CCDC18: variants seen among roughly 807,000 people sequenced by gnomAD.
The protein encoded by CCDC18 is coiled-coil domain containing 18, also known as coiled-coil domain-containing protein 18.
CCDC18 carries 157 observed loss-of-function variants against 196.0 expected under a neutral mutation model. The ratio of observed to expected loss-of-function variants is 0.80; its 90% CI spans 0.70 to 0.91. The LOEUF is 0.91. Among genes scored for constraint, CCDC18 ranks in the 40% least tolerant of loss-of-function variants. The pLI is 0.00. For synonymous variants in CCDC18, 482 were observed against 529.2 expected, an observed-to-expected ratio of 0.91 and a Z score of 1.22; for missense variants, 1,465 against 1,611.6, an observed-to-expected ratio of 0.91 and a Z score of 1.56.
chr1:93,212,073 A>G (rs1655739090), intron 10 of CCDC18, 28 bp from the exon 11 acceptor site: 3 of 1,569,192 alleles, frequency 1.9e-6, no homozygotes, highest in Admixed American at 4.0e-5. Context: ...CTTTCTAATA[A>G]TTTTTCCCTT....
intron 25 of CCDC18, among the ~76,000 whole-genome samples, chr1:93,256,941 C>T (rs1489820830): frequency 1.3e-5 from 2 of 151,910 alleles, no homozygotes; most frequent in African/African-American, 4.8e-5. Context: ...AAAATGAAAA[C>T]TATTGGCTTG....
At chr1:93,195,112 C>G (rs1038022853) in intron 6 of CCDC18, among the ~76,000 whole-genome samples, 1 of 152,136 alleles carries the variant, frequency 6.6e-6, no homozygotes, top group Non-Finnish European at 1.5e-5. Flanking sequence ...CTCAAGTGAT[C>G]CACCCTCCTT....
At chr1:93,262,188 C>G (rs894127090) in intron 26 of CCDC18, 1 of 152,136 alleles carries the variant, frequency 6.6e-6, no homozygotes, top group African/African-American at 2.4e-5. Flanking sequence ...GGTGGGGACA[C>G]AGAGCCAAGC....
intron 11 of CCDC18, among the ~76,000 whole-genome samples, chr1:93,212,721 A>G (rs1029401008): frequency 6.6e-6 from 1 of 152,250 alleles, no homozygotes; most frequent in African/African-American, 2.4e-5. Context: ...CCAATAGAAC[A>G]GTGGTCCCCA....
At chr1:93,226,824 G>GT (rs1189371332) in intron 17 of CCDC18, among the ~76,000 whole-genome samples, 1 of 152,016 alleles carries the variant, frequency 6.6e-6, no homozygotes, top group Non-Finnish European at 1.5e-5. Flanking sequence ...GTGAGCCACT[G>GT]TGCCTGGCCA....
chr1:93,239,592 T>C, intron 20 of CCDC18, 91 bp from the exon 21 acceptor site: 3 of 1,338,132 alleles, frequency 2.2e-6, no homozygotes, highest in Non-Finnish European at 3.1e-6. Context: ...TTGCCTCTCG[T>C]AGATGAATAT....
chr1:93,244,153 G>A lies in CCDC18; in HGVS notation c.2982-1952G>A, dbSNP rs537234025. On this transcript the variant is annotated intron_variant, in intron 21 of 28. Coordinates refer to ENST00000690025, the MANE Select transcript of CCDC18 (RefSeq NM_001378204.1). The stretch of plus-strand genomic sequence containing the variant: ...TCACAATCATGGTGGAAGGTGAAAG[G>A]CACATCTCACTGGTAGCAGACAAGA... Among the ~76,000 whole-genome samples, 54 of 152,270 alleles carry A rather than the reference G, an allele frequency of 3.5e-4. 2 individuals are homozygous for A. The South Asian group carries it at 0.01, about 29-fold the overall frequency.
chr1:93,274,718 G>A (rs779626037), intron 28 of CCDC18, among the ~76,000 whole-genome samples: 4 of 152,014 alleles, frequency 2.6e-5, no homozygotes, highest in East Asian at 1.9e-4. Flanking sequence ...GCATGGTGGC[G>A]CACATCTGTA....
chr1:93,278,383 CTGT>C, intron 28 of CCDC18, 77 bp from the exon 29 acceptor site: 1 of 528,024 alleles, frequency 1.9e-6, no homozygotes, highest in South Asian at 4.7e-5. Flanking sequence ...AATTATACTC[CTGT>C]TATTATGGTA....
At position 93,232,512 on chromosome 1, in the gene CCDC18, T is replaced by G. The variant is rs374859009; in HGVS notation, c.2379T>G (p.Leu793=). The part of the protein sequence containing the change: ...SEQNVILQHT[L]QQQQQMLQQE... ...AAAACGTTATTCTACAGCATACTCT[T>G]CAGCAACAGCAGCAAATGTTACAAC... The change falls in exon 18 of 29, where the codon CTT becomes CTG. Residue 793 remains leucine (L), a synonymous_variant. Coordinates refer to ENST00000690025, the MANE Select transcript of CCDC18 (RefSeq NM_001378204.1). 4.1e-5 allele frequency: 66 copies of G among 1,612,708 alleles called. No homozygotes were observed. The highest frequency in any genetic ancestry group is 5.0e-5 in the Non-Finnish European group (59 of 1,178,940).
intron 28 of CCDC18, chr1:93,271,154 G>A: frequency 5.1e-6 from 5 of 985,224 alleles, no homozygotes; most frequent in Non-Finnish European, 6.0e-6. Context: ...AGAGAAAGTA[G>A]GTTCTGAGGT....
At chr1:93,205,470 T>C in intron 7 of CCDC18, 40 bp from the exon 8 acceptor site, 1 of 1,538,086 alleles carries the variant, frequency 6.5e-7, no homozygotes, top group Non-Finnish European at 8.8e-7. Context: ...ACCTAAAACT[T>C]ACAACCACAT....
At chr1:93,184,825 C>T (rs1435781136) in intron 3 of CCDC18, among the ~76,000 whole-genome samples, 5 of 152,030 alleles carry the variant, frequency 3.3e-5, no homozygotes, top group East Asian at 3.9e-4. Context: ...CTTTTTGTAA[C>T]GAATCTGCTT....
chr1:93,225,182 A>T (rs975819554), intron 16 of CCDC18, among the ~76,000 whole-genome samples: 1 of 152,206 alleles, frequency 6.6e-6, no homozygotes, highest in Non-Finnish European at 1.5e-5. Flanking sequence ...TATTAGCATT[A>T]AGAGGAAGAA....
intron 18 of CCDC18, among the ~76,000 whole-genome samples, chr1:93,236,039 T>C (rs757672254): frequency 1.3e-5 from 2 of 152,224 alleles, no homozygotes; most frequent in Non-Finnish European, 2.9e-5. Flanking sequence ...TTTAGTGTTA[T>C]GATGTGGCCA....
At chr1:93,239,990 A>G (rs1660556562) in intron 21 of CCDC18, 94 bp downstream of exon 21, 4 of 897,152 alleles carry the variant, frequency 4.5e-6, no homozygotes, top group Non-Finnish European at 6.8e-6. Context: ...AAATTTCTCA[A>G]CTGTCTTTGG....
chr1:93,186,558 A>G, intron 4 of CCDC18, 55 bp downstream of exon 4: 1 of 1,431,858 alleles, frequency 7.0e-7, no homozygotes, highest in South Asian at 1.3e-5. Context: ...TTTAAGATTT[A>G]TAATTGGAAA....
In CCDC18 at chr1:93,254,474, G is replaced by GA; in HGVS notation, c.3205dup (p.Ser1069LysfsTer4). On this transcript the variant is annotated frameshift_variant, in exon 24 of 29. Coordinates refer to ENST00000690025, the MANE Select transcript of CCDC18 (RefSeq NM_001378204.1). LOFTEE classifies it high-confidence loss of function. ...TGCTTATCTGTTTAAAATTCAGATA[G>GA]AAAGTCTGAATGACAAATTACAAAA... The GA allele has an allele frequency of 1.3e-6, 2 of 1,569,282 alleles. No individual in the cohort carries two copies. The highest frequency in any genetic ancestry group is 1.7e-6 in the Non-Finnish European group (2 of 1,152,026).
At chr1:93,236,464 G>GC in intron 19 of CCDC18, 74 bp downstream of exon 19, 2 of 1,386,266 alleles carry the variant, frequency 1.4e-6, no homozygotes, top group Non-Finnish European at 2.0e-6. Context: ...ATCAGATAAT[G>GC]TTCAGTGGAG....
Sources: gnomAD v4.1 joint callset for allele counts (sites outside exome capture counted in the v4.1 genomes callset) on GRCh38, gnomAD v4.1.1 for gene constraint, MANE v1.5 for transcripts, NCBI Gene and HGNC (gene_info 2026-07-23, HGNC 2026-07-21) for gene names.